Variants in PDE4D observed in about 807,000 individuals in gnomAD.
PDE4D encodes the protein 3',5'-cyclic-AMP phosphodiesterase 4D.
Under a neutral mutation model 87.4 loss-of-function variants are expected in PDE4D, and 24 were observed. That is an observed-to-expected ratio of 0.27 (90% CI 0.20 to 0.39). The LOEUF (loss-of-function observed/expected upper bound fraction) is 0.39. Ranked by LOEUF, PDE4D falls within the 10% of genes least tolerant of loss-of-function variation. The pLI is 1.00. For synonymous variants in PDE4D, 384 were observed against 383.2 expected, an observed-to-expected ratio of 1.00 and a Z score of -0.02; for missense variants, 714 against 1,041.0, an observed-to-expected ratio of 0.69 and a Z score of 4.32.
At chr5:59,180,768 TG>T in intron 4 of PDE4D, 124 bp from the exon 5 acceptor site, 1 of 929,736 alleles carries the variant, frequency 1.1e-6, no homozygotes, top group Admixed American at 2.1e-5. Flanking sequence ...GACACGCAAA[TG>T]ATTTCTTTCA....
At chr5:59,254,663 C>G (rs1390754300) in intron 1 of PDE4D, among the ~76,000 whole-genome samples, 2 of 151,986 alleles carry the variant, frequency 1.3e-5, no homozygotes, top group Non-Finnish European at 2.9e-5. Context: ...ATTAATGAAT[C>G]AAATTTTCAA....
intron 2 of PDE4D, 60 bp downstream of exon 2, chr5:59,215,717 C>T: frequency 5.8e-6 from 8 of 1,390,294 alleles, no homozygotes; most frequent in Middle Eastern, 3.6e-4. Flanking sequence ...TTTATTATGT[C>T]ATCAGCTCTA....
At chr5:60,370,219 G>C (rs1760904974) in intron 1 of PDE4D, among the ~76,000 whole-genome samples, 1 of 152,082 alleles carries the variant, frequency 6.6e-6, no homozygotes, top group Non-Finnish European at 1.5e-5. Context: ...ATACATCCCA[G>C]TTTGCCCAAG....
chr5:59,509,935 T>A (rs1008225251), intron 1 of PDE4D, among the ~76,000 whole-genome samples: 6 of 147,664 alleles, frequency 4.1e-5, no homozygotes, highest in African/African-American at 1.2e-4. Flanking sequence ...TACTTTTGAA[T>A]ATAATTATAT....
chr5:59,337,786 C>T (rs1777986560), intron 1 of PDE4D, among the ~76,000 whole-genome samples: 1 of 152,088 alleles, frequency 6.6e-6, no homozygotes, highest in Non-Finnish European at 1.5e-5. Context: ...CACAATGTCA[C>T]GTTGTTTTTG....
chr5:60,310,218 T>C (rs990904256), intron 1 of PDE4D, among the ~76,000 whole-genome samples: 2 of 152,172 alleles, frequency 1.3e-5, no homozygotes, highest in Non-Finnish European at 2.9e-5. Flanking sequence ...CTGATAGTTA[T>C]GAAATCAATG....
In PDE4D at chr5:60,147,948, A is replaced by G. The variant is rs1582867946; in HGVS notation, c.42+37609T>C. The G allele has an allele frequency of 1.3e-5, 4 of 318,158 alleles. No individual in the cohort carries two copies. In the Admixed American group the frequency reaches 1.7e-4, roughly 13 times the overall value. The allele number at this position is 318,158 out of a possible 1,614,324, so 19.7% of individuals were successfully genotyped here. A position where few individuals can be genotyped will look rare whatever the true frequency, so the allele number is the denominator to read the frequency against. ...TATAACCTAACCTCCAAAGTGGCAC[A>G]TCATAACTCCTCCTGAATTTTCTTG... On this transcript the variant is annotated intron_variant, in intron 2 of 16. Coordinates refer to the PDE4D transcript ENST00000502484.
At chr5:60,386,207 T>TA (rs910120356) in intron 1 of PDE4D, among the ~76,000 whole-genome samples, 23 of 151,614 alleles carry the variant, frequency 1.5e-4, no homozygotes, top group African/African-American at 4.3e-4. Flanking sequence ...GTACGTGCTT[T>TA]AAAAAAAAAT....
rs543657800 is a variant in PDE4D at position 59,855,349 on chromosome 5, T to C, written c.455+37819A>G. 2.0e-5 allele frequency among the ~76,000 whole-genome samples: 3 copies of C among 152,270 alleles called. No individual in the cohort carries two copies. In the East Asian group the frequency reaches 5.8e-4, roughly 29 times the overall value. ...TCAAACTTCTTAAGCCTCACTTTTA[T>C]TTACAAAGATACACGTAATAACAAA... is the stretch of plus-strand genomic sequence containing the variant. On this transcript the variant is annotated intron_variant, in intron 1 of 14. Transcript: ENST00000340635.
intron 1 of PDE4D, among the ~76,000 whole-genome samples, chr5:59,812,949 G>T (rs1471007102): frequency 6.6e-6 from 1 of 152,238 alleles, no homozygotes; most frequent in Admixed American, 6.5e-5. Context: ...TCAGGCTGCT[G>T]TATTTCATTT....
chr5:59,309,406 A>T (rs993884577), intron 1 of PDE4D, among the ~76,000 whole-genome samples: 1 of 152,174 alleles, frequency 6.6e-6, no homozygotes, highest in Non-Finnish European at 1.5e-5. Flanking sequence ...ATGGCCTGCT[A>T]GGGGACTCAG....
At chr5:59,605,847 G>C (rs1828125383) in intron 1 of PDE4D, among the ~76,000 whole-genome samples, 2 of 151,952 alleles carry the variant, frequency 1.3e-5, no homozygotes, top group Admixed American at 6.6e-5. Flanking sequence ...TGTCTGATCT[G>C]GGCTATGGAA....
chr5:59,400,511 C>G (rs541857101), intron 1 of PDE4D, among the ~76,000 whole-genome samples: 30 of 141,012 alleles, frequency 2.1e-4, no homozygotes, highest in Non-Finnish European at 3.9e-4. Flanking sequence ...CATATTCTCA[C>G]TCATAGGTGG....
chr5:59,557,977 T>C (rs1183424664), intron 1 of PDE4D, among the ~76,000 whole-genome samples: 1 of 152,184 alleles, frequency 6.6e-6, no homozygotes, highest in African/African-American at 2.4e-5. Context: ...ATATTTAATA[T>C]TGGAATATTA....
At chr5:60,045,236 G>A (rs1375789259) in intron 2 of PDE4D, among the ~76,000 whole-genome samples, 1 of 151,776 alleles carries the variant, frequency 6.6e-6, no homozygotes, top group Non-Finnish European at 1.5e-5. Context: ...AAATTTGTTT[G>A]AGTTCATTGT....
intron 1 of PDE4D, among the ~76,000 whole-genome samples, chr5:60,506,423 G>A (rs907010457): frequency 3.3e-5 from 5 of 152,196 alleles, no homozygotes; most frequent in African/African-American, 9.7e-5. Context: ...AGGCTCTGAG[G>A]TTTGGAACAG....
At chr5:60,473,131 G>GGAAA (rs1747968108) in intron 1 of PDE4D, among the ~76,000 whole-genome samples, 1 of 47,690 alleles carries the variant, frequency 2.1e-5, no homozygotes, top group South Asian at 1.0e-3. Flanking sequence ...AAGAAAGGAA[G>GGAAA]GAAGGAAGGA....
chr5:59,006,766 AT>A (rs1751703132), intron 6 of PDE4D, among the ~76,000 whole-genome samples: 1 of 152,180 alleles, frequency 6.6e-6, no homozygotes, highest in African/African-American at 2.4e-5. Context: ...GATATTTGAA[AT>A]TCTGCTGATG....
chr5:59,072,473 G>A (rs1393647254), intron 5 of PDE4D, among the ~76,000 whole-genome samples: 1 of 152,166 alleles, frequency 6.6e-6, no homozygotes, highest in Non-Finnish European at 1.5e-5. Flanking sequence ...TCTGTTTTCA[G>A]AATGGCACTC....
Sources: allele counts gnomAD v4.1 joint callset (sites outside exome capture counted in the v4.1 genomes callset), GRCh38; gene constraint gnomAD v4.1.1; transcripts MANE v1.5; gene names NCBI Gene and HGNC (gene_info 2026-07-23, HGNC 2026-07-21).